ZNF362: variants seen among roughly 807,000 people sequenced by gnomAD.
The protein encoded by ZNF362 is rotund homolog.
ZNF362 carries 11 observed loss-of-function variants against 42.9 expected under a neutral mutation model. That is an observed-to-expected ratio of 0.26 (90% CI 0.16 to 0.42). ZNF362 has a LOEUF of 0.42. Ranked by LOEUF, ZNF362 falls within the 20% of genes least tolerant of loss-of-function variation. The probability of loss-of-function intolerance (pLI) is 1.00; values close to 1 mark genes in which losing one functional copy is unlikely to be tolerated. For synonymous variants in ZNF362, 255 were observed against 257.3 expected (o/e 0.99, Z 0.09); for missense variants, 362 against 576.2 (o/e 0.63, Z 3.81).
intron 4 of ZNF362, among the ~76,000 whole-genome samples, chr1:33,277,644 A>G (rs898395657): frequency 2.8e-4 from 43 of 152,140 alleles, no homozygotes; most frequent in Admixed American, 1.8e-3. Flanking sequence ...AATGGAGAGA[A>G]GTGGACAGAT....
chr1:33,183,384 C>G, the ZNF362 span, among the ~76,000 whole-genome samples: 2 of 152,342 alleles, frequency 1.3e-5, no homozygotes, highest in African/African-American at 4.8e-5. Context: ...GGCCCAGAAT[C>G]TCCATCATTG....
the ZNF362 span, among the ~76,000 whole-genome samples, chr1:33,211,076 G>T: frequency 6.6e-6 from 1 of 151,906 alleles, no homozygotes; most frequent in Non-Finnish European, 1.5e-5. Flanking sequence ...TGGGACTACA[G>T]GTGCCCACCA....
the ZNF362 span, among the ~76,000 whole-genome samples, chr1:33,180,838 C>A: frequency 2.0e-5 from 3 of 151,278 alleles, no homozygotes; most frequent in Admixed American, 2.0e-4. Flanking sequence ...CCCACGGCCC[C>A]GCCATGCGGC....
the ZNF362 span, among the ~76,000 whole-genome samples, chr1:33,137,306 C>A: frequency 1.3e-5 from 2 of 152,090 alleles, no homozygotes; most frequent in Non-Finnish European, 1.5e-5. Context: ...ACTCTCTGGA[C>A]CTTGTGTTCT....
chr1:33,152,127 G>C, the ZNF362 span, among the ~76,000 whole-genome samples: 1 of 152,244 alleles, frequency 6.6e-6, no homozygotes, highest in Admixed American at 6.5e-5. Context: ...TTTTTCAGAA[G>C]AGGAGACTGA....
chr1:33,264,931 G>A (rs1645855538), intron 1 of ZNF362, among the ~76,000 whole-genome samples: 1 of 151,968 alleles, frequency 6.6e-6, no homozygotes, highest in Non-Finnish European at 1.5e-5. Flanking sequence ...TAAGCTGTCC[G>A]TTCATGTTCT....
chr1:33,281,623 A>G lies in ZNF362; in HGVS notation c.720A>G (p.Ser240=), dbSNP rs1442471562. The change falls in exon 6 of 9, where the codon TCA becomes TCG. Residue 240 remains serine (S), a synonymous_variant. Coordinates refer to ENST00000539719, the MANE Select transcript of ZNF362 (RefSeq NM_152493.3). The surrounding 1 kb of genome is among the most constrained non-coding windows in gnomAD (Gnocchi z 4.8). ...GCCCACTGACCTTTTTCACCAAGTCAGAGATGCAGATCCACTCCAAGTCGC... is the reference window on the plus strand; with the variant it reads ...GCCCACTGACCTTTTTCACCAAGTCGGAGATGCAGATCCACTCCAAGTCGC... The part of the protein sequence containing the change: ...KVCPLTFFTK[S]EMQIHSKSHT... 6.2e-7 allele frequency: 1 copy of G among 1,614,196 alleles called. No homozygotes were observed. The highest frequency in any genetic ancestry group is 2.2e-5 in the East Asian group (1 of 44,880).
the ZNF362 span, among the ~76,000 whole-genome samples, chr1:33,155,201 A>G: frequency 6.6e-6 from 1 of 151,342 alleles, no homozygotes; most frequent in Non-Finnish European, 1.5e-5. Context: ...CCTCCCGAGT[A>G]ATTGGGATTA....
chr1:33,218,932 T>TACACACACAC, the ZNF362 span, among the ~76,000 whole-genome samples: 120 of 121,076 alleles, frequency 9.9e-4, no homozygotes, highest in Non-Finnish European at 1.5e-3. Context: ...GAGCTGGACA[T>TACACACACAC]ACACACACAC....
At chr1:33,258,738 A>G (rs1344372026) in intron 1 of ZNF362, among the ~76,000 whole-genome samples, 2 of 152,116 alleles carry the variant, frequency 1.3e-5, no homozygotes, top group African/African-American at 2.4e-5. Context: ...TACCCCCGCC[A>G]TCATAATCTT....
intron 2 of ZNF362, among the ~76,000 whole-genome samples, chr1:33,274,200 G>A (rs1015731180): frequency 6.6e-6 from 1 of 152,196 alleles, no homozygotes; most frequent in Non-Finnish European, 1.5e-5. Flanking sequence ...AATACGTAAG[G>A]GACTGATGAG....
chr1:33,186,477 T>C, the ZNF362 span, among the ~76,000 whole-genome samples: 1 of 151,572 alleles, frequency 6.6e-6, no homozygotes, highest in Admixed American at 6.6e-5. Context: ...ACAATTTATA[T>C]ATTAAATAAG....
At chr1:33,215,234 G>A in the ZNF362 span, among the ~76,000 whole-genome samples, 7 of 152,150 alleles carry the variant, frequency 4.6e-5, no homozygotes, top group Non-Finnish European at 1.0e-4. Flanking sequence ...AGTGAAATAA[G>A]CCAGGCACAG....
chr1:33,133,099 G>C, the ZNF362 span, among the ~76,000 whole-genome samples: 1 of 152,232 alleles, frequency 6.6e-6, no homozygotes, highest in African/African-American at 2.4e-5. Context: ...GAGACACTGT[G>C]GGGTCGAGGG....
At chr1:33,234,976 C>T in the ZNF362 span, among the ~76,000 whole-genome samples, 1 of 152,078 alleles carries the variant, frequency 6.6e-6, no homozygotes, top group South Asian at 2.1e-4. Context: ...CAGCTGAGGT[C>T]GATCATTGGG....
At chr1:33,259,053 C>G (rs568653642) in intron 1 of ZNF362, among the ~76,000 whole-genome samples, 1 of 152,250 alleles carries the variant, frequency 6.6e-6, no homozygotes, top group South Asian at 2.1e-4. Context: ...CCCACCCCAC[C>G]CAAAGAATGT....
intron 6 of ZNF362, among the ~76,000 whole-genome samples, chr1:33,283,338 T>C (rs1166674113): frequency 2.6e-5 from 4 of 152,192 alleles, no homozygotes; most frequent in Non-Finnish European, 5.9e-5. Context: ...TTGAATCCTT[T>C]ATCCCTGGGT....
At chr1:33,177,053 A>G in the ZNF362 span, among the ~76,000 whole-genome samples, 9 of 86,788 alleles carry the variant, frequency 1.0e-4, no homozygotes, top group Non-Finnish European at 1.1e-4. This position sits in a 1 kb window ranked among gnomAD's most constrained non-coding sequence, Gnocchi z 4.1. Flanking sequence ...ACACACACGC[A>G]CACACACACA....
At chr1:33,149,526 C>T in the ZNF362 span, among the ~76,000 whole-genome samples, 1 of 152,152 alleles carries the variant, frequency 6.6e-6, no homozygotes, top group Non-Finnish European at 1.5e-5. Context: ...GTCATCATAG[C>T]TCATTGGAGC....
Sources: gnomAD v4.1 joint callset for allele counts (sites outside exome capture counted in the v4.1 genomes callset) on GRCh38, gnomAD v4.1.1 for gene constraint, Gnocchi (gnomAD v3.1) non-coding constraint, MANE v1.5 for transcripts, NCBI Gene and HGNC (gene_info 2026-07-23, HGNC 2026-07-21) for gene names.